Variants in SCLY observed in about 807,000 individuals in gnomAD.
The protein encoded by SCLY is putative selenocysteine lyase.
Under a neutral mutation model 50.1 loss-of-function variants are expected in SCLY, and 38 were observed. That is an observed-to-expected ratio of 0.76 (90% confidence interval 0.59 to 0.99). SCLY has a LOEUF of 0.99. Ranked by LOEUF, SCLY falls within the 50% of genes least tolerant of loss-of-function variation. SCLY has a pLI of 0.00. For synonymous variants in SCLY, 243 were observed against 249.4 expected (o/e 0.97, Z 0.24); for missense variants, 600 against 620.0 (o/e 0.97, Z 0.34).
chr2:238,081,568 T>G (rs867233274), intron 4 of SCLY, 141 bp from the exon 5 acceptor site: 9 of 1,207,860 alleles, frequency 7.5e-6, no homozygotes, highest in African/African-American at 6.1e-5. Context: ...GATGGGCGGC[T>G]TATATTCTTC....
At chr2:238,080,967 C>A (rs1213159778) in intron 4 of SCLY, 1 of 152,244 alleles carries the variant, frequency 6.6e-6, no homozygotes, top group Non-Finnish European at 1.5e-5. Flanking sequence ...CCTCCCACCC[C>A]CTTTTATTTG....
intron 1 of SCLY, among the ~76,000 whole-genome samples, chr2:238,062,803 G>A (rs2065031010): frequency 6.6e-6 from 1 of 152,260 alleles, no homozygotes; most frequent in South Asian, 2.1e-4. Flanking sequence ...GTTAGTCATT[G>A]TATCTGGGTT....
intron 7 of SCLY, among the ~76,000 whole-genome samples, chr2:238,089,940 A>G (rs34049050): frequency 0.14 from 21,236 of 152,210 alleles, 1,630 homozygotes; most frequent in South Asian, 0.27. Context: ...CAGAATTTAA[A>G]GCTTTTGCTC....
chr2:238,076,698 A>G (rs2065177964), intron 4 of SCLY, among the ~76,000 whole-genome samples: 2 of 140,044 alleles, frequency 1.4e-5, no homozygotes, highest in African/African-American at 5.5e-5. Flanking sequence ...GAAACACCCA[A>G]GAATTATCAA....
intron 9 of SCLY, 64 bp from the exon 10 acceptor site, chr2:238,094,356 T>C (rs1453149832): frequency 9.5e-6 from 13 of 1,361,380 alleles, no homozygotes; most frequent in Non-Finnish European, 1.3e-5. Context: ...AGTCTAAATT[T>C]CAAACAGTTG....
At chr2:238,088,191 G>C (rs1386856354) in intron 7 of SCLY, among the ~76,000 whole-genome samples, 3 of 152,240 alleles carry the variant, frequency 2.0e-5, no homozygotes, top group African/African-American at 4.8e-5. Flanking sequence ...GCCGGGAGTG[G>C]TAGCTCATGC....
At chr2:238,082,984 G>T in intron 6 of SCLY, 1 of 450,768 alleles carries the variant, frequency 2.2e-6, no homozygotes, top group Non-Finnish European at 4.3e-6. Context: ...TCTATCACAT[G>T]ATGCGCAGGG....
intron 4 of SCLY, chr2:238,079,965 C>G (rs1318920781): frequency 6.6e-6 from 1 of 152,142 alleles, no homozygotes. Flanking sequence ...CTCTGTTTAT[C>G]TTTCTCATGT....
chr2:238,084,114 C>T (rs1331906808), intron 7 of SCLY, among the ~76,000 whole-genome samples: 4 of 152,212 alleles, frequency 2.6e-5, no homozygotes, highest in Non-Finnish European at 5.9e-5. Flanking sequence ...CCCAGACTTC[C>T]ACCAATACAG....
rs903380378 is a variant in SCLY at position 238,061,239 on chromosome 2, C to T, written c.89+96C>T. On this transcript the variant is annotated intron_variant, in intron 1 of 11. Transcript: ENST00000254663. ...AGGGGGCTCCCGGCCTGTGGCCGCT[C>T]TCGCGTGGGGCGTCCCGCGCGGGGA... The T allele has an allele frequency of 4.2e-6, 4 of 957,928 alleles. No individual in the cohort carries two copies. In the African/African-American group the frequency reaches 6.5e-5, roughly 16 times the overall value. The allele number at this position is 957,928 out of a possible 1,614,324, so 59.3% of individuals were successfully genotyped here.
At chr2:238,063,181 G>A (rs751571691) in intron 1 of SCLY, among the ~76,000 whole-genome samples, 4 of 152,102 alleles carry the variant, frequency 2.6e-5, no homozygotes, top group Non-Finnish European at 4.4e-5. Flanking sequence ...AAAGGAAGGC[G>A]GGAAGGGGAC....
chr2:238,076,501 C>G (rs905190157), intron 4 of SCLY, among the ~76,000 whole-genome samples: 3 of 151,824 alleles, frequency 2.0e-5, no homozygotes, highest in Admixed American at 1.3e-4. Context: ...TCATTCATCT[C>G]AAAGTATTTT....
At chr2:238,070,311 A>G (rs1328873616) in intron 4 of SCLY, among the ~76,000 whole-genome samples, 1 of 152,228 alleles carries the variant, frequency 6.6e-6, no homozygotes. Flanking sequence ...GAATAAAAAG[A>G]AAATATTTTT....
rs906844263 is a variant in SCLY, at chr2:238,061,037, G to C, written c.-18G>C. On this transcript the variant is annotated 5_prime_UTR_variant, in exon 1 of 12. Coordinates refer to ENST00000254663, the MANE Select transcript of SCLY (RefSeq NM_016510.7). ...TCCGCGGGAAGGAGGCTGGATGCCCGGCAGCAGTGGGGCGGGGATGGAGGC... is the reference window on the plus strand; with the variant it reads ...TCCGCGGGAAGGAGGCTGGATGCCCCGCAGCAGTGGGGCGGGGATGGAGGC... The C allele has an allele frequency of 8.0e-6, 11 of 1,368,914 alleles. No homozygotes were observed. The South Asian group carries it at 8.4e-5, about 10-fold the overall frequency. 84.8% of individuals were successfully genotyped at this position (1,368,914 alleles called of 1,614,324 possible).
intron 3 of SCLY, among the ~76,000 whole-genome samples, chr2:238,068,433 C>T (rs1238693667): frequency 6.6e-6 from 1 of 151,914 alleles, no homozygotes; most frequent in Non-Finnish European, 1.5e-5. Context: ...CCTGTAGTCC[C>T]AGCTACTAGG....
At chr2:238,081,900 G>A in intron 5 of SCLY, 64 bp downstream of exon 5, 1 of 1,588,194 alleles carries the variant, frequency 6.3e-7, no homozygotes, top group Non-Finnish European at 8.6e-7. Context: ...TTAGACTCAT[G>A]GCGTTTCAGG....
rs142273207 is a variant in SCLY, at chr2:238,068,131, C to T, written c.269C>T (p.Pro90Leu). The change falls in exon 3 of 12, where the codon CCT (proline) becomes CTT (leucine). Residue 90 changes from proline to leucine, a missense_variant. Coordinates refer to ENST00000254663, the MANE Select transcript of SCLY (RefSeq NM_016510.7). ...CTCGCGAAGATGATAGGGGGGAAAC[C>T]TCAAGATATAATCTTCACTTCCGGG... ...ESLAKMIGGKPQDIIFTSGGT... is the reference protein window; with the variant it reads ...ESLAKMIGGKLQDIIFTSGGT... 122 of 1,610,958 alleles carry T rather than the reference C, an allele frequency of 7.6e-5. No individual in the cohort carries two copies. Among genetic ancestry groups the T allele is most frequent in the Non-Finnish European group, 1.0e-4 (118 of 1,178,728 alleles).
intron 7 of SCLY, among the ~76,000 whole-genome samples, chr2:238,085,126 C>T (rs759246949): frequency 9.9e-5 from 15 of 152,030 alleles, no homozygotes; most frequent in African/African-American, 2.4e-4. Context: ...AATCAATATA[C>T]GCCTGCACTA....
chr2:238,079,068 C>CTTTTTTTTT (rs59238768), intron 4 of SCLY: 3 of 93,184 alleles, frequency 3.2e-5, no homozygotes, highest in Non-Finnish European at 4.0e-5. Context: ...CTTTCTTTTT[C>CTTTTTTTTT]TTTTTTTTTT....
Sources: allele counts gnomAD v4.1 joint callset (sites outside exome capture counted in the v4.1 genomes callset), GRCh38; gene constraint gnomAD v4.1.1; transcripts MANE v1.5; gene names NCBI Gene and HGNC (gene_info 2026-07-23, HGNC 2026-07-21).